HMCN2: variants seen among roughly 807,000 people sequenced by gnomAD.
The protein encoded by HMCN2 is hemicentin 2, also known as hemicentin-2.
Under a neutral mutation model 377.5 loss-of-function variants are expected in HMCN2, and 325 were observed. The observed-to-expected ratio is 0.86, with a 90% confidence interval of 0.79 to 0.94. The LOEUF (loss-of-function observed/expected upper bound fraction) is 0.94, where lower values mean the gene tolerates loss of function less well. Among genes scored for constraint, HMCN2 ranks in the 40% least tolerant of loss-of-function variants. HMCN2 has a pLI of 0.00. For synonymous variants in HMCN2, 2,007 were observed against 2,046.8 expected, an observed-to-expected ratio of 0.98 and a Z score of 0.53; for missense variants, 4,543 against 4,725.3, an observed-to-expected ratio of 0.96 and a Z score of 1.13.
intron 15 of HMCN2, among the ~76,000 whole-genome samples, chr9:130,316,293 T>C (rs912759829): frequency 0.35 from 52,777 of 150,652 alleles, 10,863 homozygotes; most frequent in Non-Finnish European, 0.47. Flanking sequence ...GCTGGGGAGT[T>C]GTGGAGGTGT....
At chr9:130,419,740 T>G (rs777982529) in intron 86 of HMCN2, among the ~76,000 whole-genome samples, 2 of 146,320 alleles carry the variant, frequency 1.4e-5, no homozygotes, top group Non-Finnish European at 2.9e-5. Context: ...TCTCCCTCGC[T>G]GTCCCTGGCA....
intron 7 of HMCN2, among the ~76,000 whole-genome samples, chr9:130,297,105 C>T (rs1564758862): frequency 6.6e-6 from 1 of 152,170 alleles, no homozygotes; most frequent in Non-Finnish European, 1.5e-5. Flanking sequence ...GAGTTCACAC[C>T]TTCTTCTTTC....
chr9:130,384,734 G>T lies in HMCN2; in HGVS notation c.9042G>T (p.Met3014Ile). The change falls in exon 59 of 98, where the codon ATG becomes ATT. Residue 3014 changes from methionine to isoleucine, a missense_variant. Physicochemically the swap from Met to Ile is conservative, Grantham distance 10. Transcript: ENST00000683500. ...LGRARLSDSGMYTCEALNAAG... is the reference protein window; with the variant it reads ...LGRARLSDSGIYTCEALNAAG... Reference sequence around the variant, plus strand: ...GAGCACGGCTGTCGGACTCCGGGATGTACACATGCGAAGCCCTCAATGCTG... The same window carrying T: ...GAGCACGGCTGTCGGACTCCGGGATTTACACATGCGAAGCCCTCAATGCTG... 7.7e-7 allele frequency: 1 copy of T among 1,302,932 alleles called. No individual in the cohort carries two copies. 80.7% of individuals were successfully genotyped at this position (1,302,932 alleles called of 1,614,324 possible).
At chr9:130,324,007 G>A (rs1452319228) in intron 19 of HMCN2, among the ~76,000 whole-genome samples, 6 of 152,204 alleles carry the variant, frequency 3.9e-5, no homozygotes, top group Non-Finnish European at 1.5e-5. Flanking sequence ...TGGCCTGAAA[G>A]CTTTTAAAAT....
At chr9:130,313,129 C>T (rs1458474479) in intron 15 of HMCN2, among the ~76,000 whole-genome samples, 1 of 145,924 alleles carries the variant, frequency 6.9e-6, no homozygotes, top group Admixed American at 6.7e-5. Flanking sequence ...TGGCCCAGCA[C>T]CTGTGGGTCT....
rs1467446572 is a variant in HMCN2, at chr9:130,393,760, CGGTG to C, written c.10255_10258del (p.Val3419SerfsTer31). The C allele has an allele frequency of 1.8e-5, 23 of 1,267,374 alleles. No homozygotes were observed. Among genetic ancestry groups the C allele is most frequent in the Non-Finnish European group, 2.2e-5 (22 of 978,144 alleles). 78.5% of individuals were successfully genotyped at this position (1,267,374 alleles called of 1,614,324 possible). On this transcript the variant is annotated frameshift_variant, in exon 68 of 98. Transcript: ENST00000683500. LOFTEE classifies it high-confidence loss of function. The surrounding 1 kb of genome is among the most constrained non-coding windows in gnomAD (Gnocchi z 5.2). ...TCCATAGTGCCCCCTGTCCTGGAGC[CGGTG>C]GAGTTCCAGAATGACGTGGTGGTGG...
chr9:130,348,446 C>A, intron 26 of HMCN2, 99 bp from the exon 27 acceptor site: 1 of 1,237,220 alleles, frequency 8.1e-7, no homozygotes, highest in Admixed American at 2.5e-5. Context: ...CCTTCTCCAA[C>A]CCCAGTGACG....
chr9:130,267,435 AACACACACACAC>A (rs36122739), intron 1 of HMCN2, among the ~76,000 whole-genome samples: 61 of 145,918 alleles, frequency 4.2e-4, no homozygotes, highest in Admixed American at 7.5e-4. Flanking sequence ...CCCCAAATAA[AACACACACACAC>A]ACACACACAC....
At chr9:130,346,109 G>A (rs1276985314) in intron 25 of HMCN2, among the ~76,000 whole-genome samples, 2 of 152,122 alleles carry the variant, frequency 1.3e-5, no homozygotes, top group African/African-American at 2.4e-5. Flanking sequence ...TGGGAGTGAC[G>A]TGCCGATCTG....
chr9:130,368,610 G>GAGACTGGCTA (rs1489816101), intron 44 of HMCN2, among the ~76,000 whole-genome samples, 173 bp downstream of exon 44: 2 of 152,116 alleles, frequency 1.3e-5, no homozygotes, highest in African/African-American at 4.8e-5. Flanking sequence ...GACACTACCT[G>GAGACTGGCTA]AGACTGGCTA....
Position 130,431,358 on chromosome 9 carries a change from C to A in HMCN2, c.14648-9C>A. On this transcript the variant is annotated splice_polypyrimidine_tract_variant and intron_variant, in intron 95 of 97. Transcript: ENST00000683500. The stretch of plus-strand genomic sequence containing the variant: ...TCCCCCACCTGCCCCACCCCCATGC[C>A]CGGGCCAGACCTTGACGAGTGCCGC... The A allele has an allele frequency of 2.6e-6, 4 of 1,548,998 alleles. No homozygotes were observed. Among genetic ancestry groups the A allele is most frequent in the Non-Finnish European group, 3.5e-6 (4 of 1,146,386 alleles).
chr9:130,269,647 A>G (rs1328492705), intron 1 of HMCN2, among the ~76,000 whole-genome samples: 1 of 148,614 alleles, frequency 6.7e-6, no homozygotes, highest in East Asian at 1.9e-4. Context: ...AGTGAGGTTC[A>G]ATATGTCTTT....
intron 54 of HMCN2, among the ~76,000 whole-genome samples, chr9:130,381,829 C>G (rs762433307): frequency 6.6e-6 from 1 of 152,050 alleles, no homozygotes; most frequent in South Asian, 2.1e-4. Flanking sequence ...GAGCTGGGCT[C>G]AGCACAACAG....
intron 1 of HMCN2, among the ~76,000 whole-genome samples, chr9:130,278,504 TG>T (rs1554924364): frequency 1.3e-5 from 2 of 152,164 alleles, no homozygotes; most frequent in African/African-American, 4.8e-5. Context: ...ATCTGGACAT[TG>T]TACAAGGTTG....
chr9:130,283,868 T>A (rs1835273509), intron 1 of HMCN2, among the ~76,000 whole-genome samples: 1 of 151,640 alleles, frequency 6.6e-6, no homozygotes, highest in Non-Finnish European at 1.5e-5. Flanking sequence ...ATACAGCTGC[T>A]ATGAACCTTT....
intron 1 of HMCN2, among the ~76,000 whole-genome samples, chr9:130,280,452 G>A (rs749529092): frequency 3.6e-4 from 55 of 151,858 alleles, no homozygotes; most frequent in Non-Finnish European, 6.3e-4. Context: ...GATTACAGGC[G>A]TGAGCCACCG....
chr9:130,326,839 A>G (rs961086265), intron 21 of HMCN2, among the ~76,000 whole-genome samples: 3 of 152,162 alleles, frequency 2.0e-5, no homozygotes, highest in Admixed American at 6.5e-5. Context: ...GAGACGTGAC[A>G]TGCACAGATT....
At chr9:130,395,138 GC>G in intron 70 of HMCN2, 30 bp downstream of exon 70, 1 of 587,038 alleles carries the variant, frequency 1.7e-6, no homozygotes, top group Non-Finnish European at 2.4e-6. Context: ...TGGGGGCAGG[GC>G]CGGGAGGCAG....
chr9:130,367,380 C>CA (rs1840751962), intron 43 of HMCN2, among the ~76,000 whole-genome samples: 1 of 152,084 alleles, frequency 6.6e-6, no homozygotes, highest in Admixed American at 6.5e-5. Flanking sequence ...GAAGCAATGC[C>CA]AGGTGGCCAC....
Sources: allele counts gnomAD v4.1 joint callset (sites outside exome capture counted in the v4.1 genomes callset), GRCh38; gene constraint gnomAD v4.1.1; non-coding constraint Gnocchi (gnomAD v3.1); transcripts MANE v1.5; gene names NCBI Gene and HGNC (gene_info 2026-07-23, HGNC 2026-07-21).